Variants in PVT1 observed in about 807,000 individuals in gnomAD.
PVT1 encodes the protein Pvt1 oncogene, also known as CXCR4/PVT1 fusion.
intron 3 of PVT1, among the ~76,000 whole-genome samples, chr8:127,935,460 G>A (rs1816261855): frequency 6.6e-6 from 1 of 152,038 alleles, no homozygotes; most frequent in Admixed American, 6.6e-5. Flanking sequence ...TTTTTCCCTA[G>A]GGTGGGTATT....
chr8:127,835,423 A>G (rs1563617574), intron 2 of PVT1, among the ~76,000 whole-genome samples: 1 of 151,370 alleles, frequency 6.6e-6, no homozygotes, highest in Non-Finnish European at 1.5e-5. Flanking sequence ...AGGGAGGGGA[A>G]CATCACACAC....
intron 3 of PVT1, among the ~76,000 whole-genome samples, chr8:127,909,133 C>T (rs1159540945): frequency 6.6e-6 from 1 of 152,116 alleles, no homozygotes; most frequent in Non-Finnish European, 1.5e-5. Context: ...GGCGTTAGTT[C>T]GTATTTACTG....
At chr8:127,886,922 A>G (rs1815529570) in intron 2 of PVT1, among the ~76,000 whole-genome samples, 1 of 152,152 alleles carries the variant, frequency 6.6e-6, no homozygotes, top group South Asian at 2.1e-4. Flanking sequence ...CTTGGTAAGG[A>G]CTGATTCTGT....
intron 4 of PVT1, among the ~76,000 whole-genome samples, chr8:128,024,039 G>A (rs1817466738): frequency 6.6e-6 from 1 of 152,194 alleles, no homozygotes. Flanking sequence ...AGAGCACACA[G>A]CTAAGGAGGT....
chr8:128,091,247 G>T (rs1464883852), intron 5 of PVT1, among the ~76,000 whole-genome samples: 2 of 152,088 alleles, frequency 1.3e-5, no homozygotes, highest in East Asian at 3.8e-4. Context: ...CTGTCCCAAG[G>T]TTGCCCTGGT....
chr8:127,848,647 C>T (rs1043659961), intron 2 of PVT1, among the ~76,000 whole-genome samples: 1 of 151,978 alleles, frequency 6.6e-6, no homozygotes, highest in South Asian at 2.1e-4. Flanking sequence ...CGCGCCATTG[C>T]ACTCCAGCCT....
chr8:128,044,179 G>A (rs925094665), intron 4 of PVT1, among the ~76,000 whole-genome samples: 4 of 150,310 alleles, frequency 2.7e-5, no homozygotes, highest in African/African-American at 9.8e-5. Context: ...GCCTTTCTTG[G>A]CCACTCTATG....
At chr8:127,809,708 A>G (rs1468691540) in intron 2 of PVT1, among the ~76,000 whole-genome samples, 1 of 152,170 alleles carries the variant, frequency 6.6e-6, no homozygotes, top group African/African-American at 2.4e-5. Context: ...CTGTATGGAA[A>G]GTCCCCAGGA....
At chr8:127,869,590 CCCT>C (rs1815328719) in intron 2 of PVT1, among the ~76,000 whole-genome samples, 1 of 152,192 alleles carries the variant, frequency 6.6e-6, no homozygotes, top group African/African-American at 2.4e-5. Flanking sequence ...TAGGCTCTTT[CCCT>C]CCTCTTGTTT....
chr8:127,812,768 T>C (rs768328915), intron 2 of PVT1, among the ~76,000 whole-genome samples: 1 of 152,024 alleles, frequency 6.6e-6, no homozygotes, highest in African/African-American at 2.4e-5. Flanking sequence ...GAAAAAAGTC[T>C]CAGTCCACTC....
chr8:127,835,210 T>C (rs560580941), intron 2 of PVT1, among the ~76,000 whole-genome samples: 3 of 152,246 alleles, frequency 2.0e-5, no homozygotes, highest in Admixed American at 1.3e-4. Flanking sequence ...TGCCCATCAC[T>C]GATAGACTGG....
At chr8:128,018,826 C>A (rs1183308400) in intron 4 of PVT1, among the ~76,000 whole-genome samples, 4 of 152,202 alleles carry the variant, frequency 2.6e-5, no homozygotes, top group African/African-American at 4.8e-5. Flanking sequence ...CCTCCTCCCC[C>A]CACCACTTAA....
chr8:127,968,247 G>A (rs550955496), intron 3 of PVT1, among the ~76,000 whole-genome samples: 17 of 152,276 alleles, frequency 1.1e-4, no homozygotes, highest in African/African-American at 3.6e-4. Flanking sequence ...TTTGGGAACA[G>A]GATCTGTCCT....
At chr8:128,015,845 A>G (rs998473024) in intron 4 of PVT1, among the ~76,000 whole-genome samples, 1 of 150,974 alleles carries the variant, frequency 6.6e-6, no homozygotes, top group Non-Finnish European at 1.5e-5. Flanking sequence ...TCTGTGATCT[A>G]GAGACCCAGG....
At chr8:128,066,039 A>G (rs967615765) in intron 4 of PVT1, among the ~76,000 whole-genome samples, 3 of 152,260 alleles carry the variant, frequency 2.0e-5, no homozygotes, top group Non-Finnish European at 4.4e-5. Flanking sequence ...GACAATTACT[A>G]TGAAGAAAAT....
At chr8:127,845,519 CAG>C (rs1563620130) in intron 2 of PVT1, among the ~76,000 whole-genome samples, 1 of 150,650 alleles carries the variant, frequency 6.6e-6, no homozygotes, top group Non-Finnish European at 1.5e-5. Context: ...TACGCTGAAA[CAG>C]AGAAGAATGG....
At chr8:127,950,503 G>A (rs1199310403) in intron 3 of PVT1, among the ~76,000 whole-genome samples, 2 of 152,224 alleles carry the variant, frequency 1.3e-5, no homozygotes, top group Admixed American at 6.5e-5. Flanking sequence ...GAACCTGAAG[G>A]TGGAGGAGTT....
chr8:127,915,591 A>C (rs1815973735), intron 3 of PVT1, among the ~76,000 whole-genome samples: 1 of 148,912 alleles, frequency 6.7e-6, no homozygotes, highest in African/African-American at 2.5e-5. Context: ...CAGCCTGGGC[A>C]ACAAGAGCGA....
chr8:128,052,596 C>T (rs1813712053), intron 4 of PVT1, among the ~76,000 whole-genome samples: 1 of 152,172 alleles, frequency 6.6e-6, no homozygotes, highest in Admixed American at 6.5e-5. Context: ...ATCTTGCTCA[C>T]ATTACTCTTC....
Sources: allele counts gnomAD v4.1 joint callset (sites outside exome capture counted in the v4.1 genomes callset), GRCh38; gene constraint gnomAD v4.1.1; transcripts MANE v1.5; gene names NCBI Gene and HGNC (gene_info 2026-07-23, HGNC 2026-07-21).